Variants in HMCN2 observed in about 807,000 individuals in gnomAD.
HMCN2 encodes the protein hemicentin-2.
In HMCN2, 325 loss-of-function variants were observed where a neutral mutation model predicts 377.5. The observed-to-expected ratio is 0.86, with a 90% CI of 0.79 to 0.94. The LOEUF is 0.94. Ranked by LOEUF, HMCN2 falls within the 40% of genes least tolerant of loss-of-function variation. The pLI is 0.00. For missense variants in HMCN2, 4,543 were observed against 4,725.3 expected, an observed-to-expected ratio of 0.96 and a Z score of 1.13; for synonymous variants, 2,007 against 2,046.8, an observed-to-expected ratio of 0.98 and a Z score of 0.53.
chr9:130,362,259 G>A, intron 39 of HMCN2, 94 bp downstream of exon 39: 1 of 875,440 alleles, frequency 1.1e-6, no homozygotes, highest in Non-Finnish European at 1.4e-6. Context: ...GGGTGAGGGA[G>A]AAGCAGCGAT....
At chr9:130,334,721 C>CTCT (rs1838628544) in intron 22 of HMCN2, among the ~76,000 whole-genome samples, 2 of 103,256 alleles carry the variant, frequency 1.9e-5, no homozygotes, top group Non-Finnish European at 4.9e-5. Context: ...CTCTCTCTCT[C>CTCT]TTCTCTCTTT....
chr9:130,292,518 G>A (rs1005622368), intron 4 of HMCN2, among the ~76,000 whole-genome samples: 6 of 152,180 alleles, frequency 3.9e-5, no homozygotes, highest in Non-Finnish European at 7.3e-5. Context: ...GAAAAGGCAC[G>A]GAATCACACT....
intron 15 of HMCN2, among the ~76,000 whole-genome samples, chr9:130,313,854 A>T (rs1837404206): frequency 7.4e-6 from 1 of 136,034 alleles, no homozygotes; most frequent in African/African-American, 2.8e-5. Flanking sequence ...ATCTTGGCTC[A>T]CTGTAACCTC....
chr9:130,335,250 G>C (rs2131453813), intron 22 of HMCN2, among the ~76,000 whole-genome samples: 1 of 152,236 alleles, frequency 6.6e-6, no homozygotes, highest in African/African-American at 2.4e-5. Context: ...CCGCATCCCA[G>C]CCTGGAGTGT....
At chr9:130,314,199 A>G (rs1419998051) in intron 15 of HMCN2, among the ~76,000 whole-genome samples, 4 of 152,166 alleles carry the variant, frequency 2.6e-5, no homozygotes, top group African/African-American at 4.8e-5. Flanking sequence ...TGTTTTGGAC[A>G]CTAAAGACTC....
At chr9:130,388,726 ATCCAAACATAAAGAGCG>A (rs556050317) in intron 62 of HMCN2, among the ~76,000 whole-genome samples, 186 bp downstream of exon 62, 1,867 of 147,316 alleles carry the variant, frequency 0.013, 12 homozygotes, top group Non-Finnish European at 0.018. Context: ...GGCCCTTGGA[ATCCAAACATAAAGAGCG>A]TCTCCTGTGA....
intron 25 of HMCN2, among the ~76,000 whole-genome samples, chr9:130,345,769 A>G (rs1475284180): frequency 6.6e-6 from 1 of 152,004 alleles, no homozygotes; most frequent in South Asian, 2.1e-4. Flanking sequence ...TTGCCCAAGG[A>G]CACCCAGAGC....
intron 86 of HMCN2, among the ~76,000 whole-genome samples, chr9:130,421,362 G>A (rs1379411721): frequency 6.6e-6 from 1 of 152,194 alleles, no homozygotes; most frequent in African/African-American, 2.4e-5. Flanking sequence ...ATTTCCTTAA[G>A]GGGCATGGGT....
chr9:130,434,056 C>T lies in HMCN2; in HGVS notation c.*363C>T, dbSNP rs1844939875. The T allele has an allele frequency of 4.4e-6, 1 of 224,908 alleles. No homozygotes were observed. Among genetic ancestry groups the T allele is most frequent in the African/African-American group, 2.3e-5 (1 of 44,128 alleles). The allele number at this position is 224,908 out of a possible 1,614,324, so 13.9% of individuals were successfully genotyped here. ...CCGCGTTAGGGGTGGCAGCAGCTGT[C>T]GCCCGGCCACACCTGGTGGTGTCAT... On this transcript the variant is annotated 3_prime_UTR_variant, in exon 98 of 98. Transcript: ENST00000683500.
rs1841844752 is a variant in HMCN2 at position 130,383,498 on chromosome 9, C to T, written c.8734-6C>T. The stretch of plus-strand genomic sequence containing the variant: ...ATCTCCCAGGCATGGCTCCCTGCAC[C>T]CACAGGTTTCCACGGCAGAGGTGGC... On this transcript the variant is annotated splice_polypyrimidine_tract_variant and splice_region_variant and intron_variant, in intron 56 of 97. Transcript: ENST00000683500. 5 of 985,894 alleles carry T rather than the reference C, an allele frequency of 5.1e-6. No homozygotes were observed. The highest frequency in any genetic ancestry group is 4.7e-5 in the South Asian group (1 of 21,278). 61.1% of individuals were successfully genotyped at this position (985,894 alleles called of 1,614,324 possible).
chr9:130,332,910 G>A (rs1055619783), intron 22 of HMCN2, among the ~76,000 whole-genome samples: 85 of 152,270 alleles, frequency 5.6e-4, no homozygotes, highest in African/African-American at 1.8e-3. Flanking sequence ...TTCATTCCAC[G>A]GCCGCCGGCC....
intron 46 of HMCN2, among the ~76,000 whole-genome samples, chr9:130,371,414 GAAA>G (rs10659347): frequency 3.4e-5 from 5 of 147,028 alleles, no homozygotes; most frequent in African/African-American, 1.3e-4. Flanking sequence ...AAGTCCTGCA[GAAA>G]AAAAAAAAAC....
rs773231731 is a variant in HMCN2, at chr9:130,359,044, C to T, written c.5678-275C>T. Among the ~76,000 whole-genome samples the T allele has an allele frequency of 5.9e-5, 9 of 152,148 alleles. 1 individual carries two copies. The highest frequency in any genetic ancestry group is 4.1e-4 in the South Asian group (2 of 4,826). ...GGGGGTTTATTTGCAGGGAAATCCTCGTCCTTGTCCCTTCCCCTGGCTGTG... is the reference window on the plus strand; with the variant it reads ...GGGGGTTTATTTGCAGGGAAATCCTTGTCCTTGTCCCTTCCCCTGGCTGTG... On this transcript the variant is annotated intron_variant, in intron 36 of 97. Transcript: ENST00000683500.
At position 130,360,340 on chromosome 9, in the gene HMCN2, T is replaced by G; in HGVS notation, c.5774-88T>G. 7 of 601,308 alleles carry G rather than the reference T, an allele frequency of 1.2e-5. No individual in the cohort carries two copies. Among genetic ancestry groups the G allele is most frequent in the Non-Finnish European group, 1.4e-5 (6 of 438,276 alleles). The allele number at this position is 601,308 out of a possible 1,614,324, so 37.2% of individuals were successfully genotyped here. A position where few individuals can be genotyped will look rare whatever the true frequency, so the allele number is the denominator to read the frequency against. ...CATCTCTCTTCCTTTCCCCCTTGCATCTCTCTTCCTTTCCCCCTTACTTCT... is the reference window on the plus strand; with the variant it reads ...CATCTCTCTTCCTTTCCCCCTTGCAGCTCTCTTCCTTTCCCCCTTACTTCT... On this transcript the variant is annotated intron_variant, in intron 37 of 97. Transcript: ENST00000683500. This position sits in a 1 kb window ranked among gnomAD's most constrained non-coding sequence, Gnocchi z 4.7.
Position 130,403,287 on chromosome 9 carries a change from C to G in HMCN2, c.11972C>G (p.Pro3991Arg). 7.8e-7 allele frequency: 1 copy of G among 1,289,830 alleles called. No individual in the cohort carries two copies. The highest frequency in any genetic ancestry group is 1.0e-6 in the Non-Finnish European group (1 of 988,856). The allele number at this position is 1,289,830 out of a possible 1,614,324, so 79.9% of individuals were successfully genotyped here. Residue 3991 changes from proline (P) to arginine (R), a missense_variant, in exon 79 of 98, where the codon CCG (proline) becomes CGG (arginine). By Grantham distance (103) the Pro-to-Arg change is moderately radical. Transcript: ENST00000683500. ...LPCEASGIPRPTITWQKEGLN... is the reference protein window; with the variant it reads ...LPCEASGIPRRTITWQKEGLN... ...TGCGAGGCCTCAGGCATCCCCCGGC[C>G]GACCATCACCTGGCAGAAGGAAGGG...
chr9:130,299,336 TC>T (rs1554933470), intron 8 of HMCN2, 48 bp downstream of exon 8: 1 of 393,454 alleles, frequency 2.5e-6, no homozygotes, highest in Non-Finnish European at 5.3e-6. Context: ...TCATTCAGAG[TC>T]CCATTTCATC....
At chr9:130,379,919 A>C (rs1394539603) in intron 54 of HMCN2, among the ~76,000 whole-genome samples, 1 of 151,974 alleles carries the variant, frequency 6.6e-6, no homozygotes. Flanking sequence ...CTTGTTGCCC[A>C]GGCTGGAGTG....
chr9:130,318,344 T>TA (rs878986490), intron 15 of HMCN2, among the ~76,000 whole-genome samples: 54,589 of 150,038 alleles, frequency 0.36, 9,935 homozygotes, highest in East Asian at 0.37. Flanking sequence ...CTCAAAGGGT[T>TA]AAAATAAAAA....
chr9:130,274,638 T>C (rs1834583042), intron 1 of HMCN2, among the ~76,000 whole-genome samples: 2 of 152,230 alleles, frequency 1.3e-5, no homozygotes, highest in South Asian at 4.1e-4. Context: ...TCTCAAGAGG[T>C]GAAAACACTT....
Sources: allele counts gnomAD v4.1 joint callset (sites outside exome capture counted in the v4.1 genomes callset), GRCh38; gene constraint gnomAD v4.1.1; non-coding constraint Gnocchi (gnomAD v3.1); transcripts MANE v1.5; gene names NCBI Gene and HGNC (gene_info 2026-07-23, HGNC 2026-07-21).